NSD2: variants seen among roughly 807,000 people sequenced by gnomAD.
The protein encoded by NSD2 is histone-lysine N-methyltransferase NSD2.
In NSD2, 12 loss-of-function variants were observed where a neutral mutation model predicts 139.0. The observed-to-expected ratio is 0.09, with a 90% CI of 0.06 to 0.14. NSD2 has a LOEUF of 0.14. Ranked by LOEUF, NSD2 falls within the 10% of genes least tolerant of loss-of-function variation. The pLI, the probability that NSD2 is intolerant of heterozygous loss-of-function variation, is 1.00. For missense variants in NSD2, 1,155 were observed against 1,745.0 expected, an observed-to-expected ratio of 0.66 and a Z score of 6.02; for synonymous variants, 669 against 648.7, an observed-to-expected ratio of 1.03 and a Z score of -0.48.
chr4:1,872,629 A>AGAGAGAGAGC (rs1553856461), intron 1 of NSD2, among the ~76,000 whole-genome samples: 232 of 142,584 alleles, frequency 1.6e-3, no homozygotes, highest in African/African-American at 5.8e-3. Context: ...AGAGAGAGAG[A>AGAGAGAGAGC]GAGAGAGCGC....
chr4:1,886,102 T>C (rs1715059860), intron 1 of NSD2, among the ~76,000 whole-genome samples: 1 of 152,228 alleles, frequency 6.6e-6, no homozygotes, highest in Admixed American at 6.5e-5. Flanking sequence ...GCGCGTCCAT[T>C]GAAGACGTAT....
At position 1,900,806 on chromosome 4, in the gene NSD2, C is replaced by T; in HGVS notation, c.152C>T (p.Ala51Val). ...NRECSVFLSK[A>V]QLSSSLQEGV... is the part of the protein sequence containing the mutation. ...GAGTGTTCTGTGTTCCTCAGCAAAG[C>T]CCAGCTCTCCAGTAGCCTGCAGGAG... is the stretch of plus-strand genomic sequence containing the variant. The change falls in exon 2 of 22, where the codon GCC becomes GTC. Residue 51 changes from alanine (A) to valine (V), a missense_variant. Coordinates refer to ENST00000508803, the MANE Select transcript of NSD2 (RefSeq NM_001042424.3). The T allele has an allele frequency of 6.2e-7, 1 of 1,614,116 alleles. No individual in the cohort carries two copies. The highest frequency in any genetic ancestry group is 8.5e-7 in the Non-Finnish European group (1 of 1,180,020).
chr4:1,897,533 T>G (rs1716526209), intron 1 of NSD2, among the ~76,000 whole-genome samples: 1 of 152,156 alleles, frequency 6.6e-6, no homozygotes. Context: ...GGCTCCTGCT[T>G]GTAATGCCAG....
At chr4:1,957,098 T>C (rs1724894697) in intron 15 of NSD2, among the ~76,000 whole-genome samples, 1 of 152,114 alleles carries the variant, frequency 6.6e-6, no homozygotes, top group African/African-American at 2.4e-5. Flanking sequence ...CCAGAAACCT[T>C]TGTGGCTGAC....
chr4:1,932,501 C>G (rs1419685964), intron 6 of NSD2, among the ~76,000 whole-genome samples: 1 of 150,900 alleles, frequency 6.6e-6, no homozygotes, highest in Non-Finnish European at 1.5e-5. Flanking sequence ...AATCCCAGCA[C>G]TTTGGGAGGC....
intron 18 of NSD2, among the ~76,000 whole-genome samples, chr4:1,962,551 C>T (rs1725475577): frequency 6.6e-6 from 1 of 152,148 alleles, no homozygotes; most frequent in African/African-American, 2.4e-5. Flanking sequence ...TACATATATC[C>T]ATAAATAGAA....
chr4:1,951,949 T>C (rs1472921674), intron 10 of NSD2, 159 bp from the exon 11 acceptor site: 87 of 1,158,816 alleles, frequency 7.5e-5, no homozygotes, highest in Middle Eastern at 4.5e-4. Context: ...TTGTACGTTC[T>C]GTTTGGGCCA....
At chr4:1,939,095 A>G (rs888054047) in intron 8 of NSD2, among the ~76,000 whole-genome samples, 9 of 152,114 alleles carry the variant, frequency 5.9e-5, no homozygotes, top group Admixed American at 5.9e-4. Context: ...TCCAACTCTT[A>G]ATTAAAAGGA....
chr4:1,946,062 C>A (rs543300911), intron 9 of NSD2: 108 of 1,032,534 alleles, frequency 1.0e-4, no homozygotes, highest in Non-Finnish European at 1.2e-4. Flanking sequence ...AGATTCATCA[C>A]CTTAGTTTTT....
chr4:1,886,383 T>A (rs1300550944), intron 1 of NSD2, among the ~76,000 whole-genome samples: 1 of 152,112 alleles, frequency 6.6e-6, no homozygotes, highest in Non-Finnish European at 1.5e-5. Context: ...ATTTTTGTAT[T>A]TTTAATAGAG....
chr4:1,959,246 G>A (rs1055802293), intron 16 of NSD2, among the ~76,000 whole-genome samples: 1 of 152,168 alleles, frequency 6.6e-6, no homozygotes, highest in African/African-American at 2.4e-5. Context: ...ATAAAATAAT[G>A]TGAGGGGGCG....
intron 6 of NSD2, among the ~76,000 whole-genome samples, chr4:1,932,705 CA>C: frequency 6.6e-6 from 1 of 152,202 alleles, no homozygotes; most frequent in Non-Finnish European, 1.5e-5. Context: ...GAGATCGTGC[CA>C]TTGGATTCCA....
chr4:1,939,877 C>T (rs1041743020), intron 9 of NSD2, 99 bp downstream of exon 9: 12 of 1,590,684 alleles, frequency 7.5e-6, no homozygotes, highest in Admixed American at 6.8e-5. Flanking sequence ...ATAAGCGCAG[C>T]ATTGGTGCTC....
chr4:1,890,892 C>T (rs753920669), intron 1 of NSD2, among the ~76,000 whole-genome samples: 4 of 152,020 alleles, frequency 2.6e-5, no homozygotes, highest in African/African-American at 7.3e-5. Flanking sequence ...CCACCACGCC[C>T]GGCCTTTTTT....
At position 1,978,860 on chromosome 4, in the gene NSD2, G is replaced by A. The variant is rs1007191544; in HGVS notation, c.4049G>A (p.Gly1350Glu). The change falls in exon 22 of 22, where the codon GGG becomes GAG. Residue 1350 changes from glycine to glutamate, a missense_variant. By Grantham distance (98) the Gly-to-Glu change is moderately conservative. This residue lies in a region of NSD2 where 132 missense variants were observed against 94.3 expected (regional missense o/e 1.40). Coordinates refer to ENST00000508803, the MANE Select transcript of NSD2 (RefSeq NM_001042424.3). ...KPPPEPGKPK[G>E]KRRRRRGWRR... is the part of the protein sequence containing the mutation. ...CCCCCAGAGCCAGGGAAGCCGAAGG[G>A]GAAGAGGCGGCGGCGGAGGGGCTGG... The A allele has an allele frequency of 1.3e-6, 2 of 1,598,508 alleles. No homozygotes were observed. The highest frequency in any genetic ancestry group is 1.7e-6 in the Non-Finnish European group (2 of 1,169,910).
intron 1 of NSD2, among the ~76,000 whole-genome samples, chr4:1,900,223 G>T (rs1160778163): frequency 6.6e-6 from 1 of 152,104 alleles, no homozygotes; most frequent in Non-Finnish European, 1.5e-5. Context: ...CTTTTGCATA[G>T]GCCTGGCATT....
intron 3 of NSD2, among the ~76,000 whole-genome samples, chr4:1,907,404 T>A (rs1370071569): frequency 6.6e-6 from 1 of 152,170 alleles, no homozygotes; most frequent in Non-Finnish European, 1.5e-5. Flanking sequence ...TTTAAGTGTT[T>A]TCATGTCCTC....
At chr4:1,872,631 A>AGAGAGC (rs1198954522) in intron 1 of NSD2, among the ~76,000 whole-genome samples, 2 of 133,312 alleles carry the variant, frequency 1.5e-5, no homozygotes, top group South Asian at 2.4e-4. Flanking sequence ...AGAGAGAGAG[A>AGAGAGC]GAGAGCGCGC....
rs886059320 is a variant in NSD2 at position 1,979,027 on chromosome 4, G to A, written c.*118G>A. 3.5e-5 allele frequency: 46 copies of A among 1,316,650 alleles called. No individual in the cohort carries two copies. Among genetic ancestry groups the A allele is most frequent in the East Asian group, 1.0e-4 (4 of 38,364 alleles). 81.6% of individuals were successfully genotyped at this position (1,316,650 alleles called of 1,614,324 possible). A position where few individuals can be genotyped will look rare whatever the true frequency, so the allele number is the denominator to read the frequency against. On this transcript the variant is annotated 3_prime_UTR_variant, in exon 22 of 22. Coordinates refer to ENST00000508803, the MANE Select transcript of NSD2 (RefSeq NM_001042424.3). Reference sequence around the variant, plus strand: ...CAGCTCGAGCCGCCAGGACACAGACGTACAGGCCTCCTCGGGAGGGAGCGC... The same window carrying A: ...CAGCTCGAGCCGCCAGGACACAGACATACAGGCCTCCTCGGGAGGGAGCGC...
Sources: gnomAD v4.1 joint callset for allele counts (sites outside exome capture counted in the v4.1 genomes callset) on GRCh38, gnomAD v4.1.1 for gene constraint, gnomAD v4.1.1 regional missense constraint, MANE v1.5 for transcripts, NCBI Gene and HGNC (gene_info 2026-07-23, HGNC 2026-07-21) for gene names.